Variants in ZFHX3 observed in about 807,000 individuals in gnomAD.
ZFHX3 encodes the protein zinc finger homeobox protein 3.
Under a neutral mutation model 279.1 loss-of-function variants are expected in ZFHX3, and 42 were observed. That is an observed-to-expected ratio of 0.15 (90% CI 0.12 to 0.19). The LOEUF (loss-of-function observed/expected upper bound fraction) is 0.19. Ranked by LOEUF, ZFHX3 falls within the 10% of genes least tolerant of loss-of-function variation. ZFHX3 has a pLI of 1.00. For missense variants in ZFHX3, 4,981 were observed against 4,754.0 expected, an observed-to-expected ratio of 1.05 and a Z score of -1.40; for synonymous variants, 2,293 against 1,957.8, an observed-to-expected ratio of 1.17 and a Z score of -4.52.
At chr16:73,435,626 C>A (rs149965880) in intron 3 of ZFHX3, among the ~76,000 whole-genome samples, 1 of 152,274 alleles carries the variant, frequency 6.6e-6, no homozygotes, top group African/African-American at 2.4e-5. Flanking sequence ...CAGGCATTGT[C>A]AAATGTTCCC....
intron 3 of ZFHX3, among the ~76,000 whole-genome samples, chr16:72,944,096 C>T (rs922464243): frequency 1.3e-5 from 2 of 152,038 alleles, no homozygotes; most frequent in Non-Finnish European, 2.9e-5. Flanking sequence ...CCAGCCTAGG[C>T]AAAATGTCGA....
intron 2 of ZFHX3, among the ~76,000 whole-genome samples, chr16:73,472,808 C>T (rs1470783342): frequency 1.3e-5 from 2 of 152,140 alleles, no homozygotes; most frequent in African/African-American, 4.8e-5. Context: ...GCTCCTGGCA[C>T]ACCACCTCTC....
chr16:73,718,622 A>T (rs7199845), intron 1 of ZFHX3, among the ~76,000 whole-genome samples: 975 of 12,078 alleles, frequency 0.081, 13 homozygotes, highest in African/African-American at 0.087. Context: ...TTATTTATTT[A>T]TTTATTTTTT....
At chr16:73,814,714 C>G (rs1960519751) in intron 1 of ZFHX3, among the ~76,000 whole-genome samples, 1 of 151,884 alleles carries the variant, frequency 6.6e-6, no homozygotes. Context: ...ATTATGGGCA[C>G]CCACCACCAT....
intron 2 of ZFHX3, among the ~76,000 whole-genome samples, chr16:73,470,488 T>C (rs1356479606): frequency 6.6e-6 from 1 of 152,200 alleles, no homozygotes; most frequent in African/African-American, 2.4e-5. Context: ...TTAATATTAA[T>C]AATTAATGCT....
intron 3 of ZFHX3, among the ~76,000 whole-genome samples, chr16:73,360,140 A>G (rs2016411799): frequency 6.6e-6 from 1 of 152,216 alleles, no homozygotes; most frequent in African/African-American, 2.4e-5. Context: ...CAGGGACAAT[A>G]AGACAGTTAA....
In ZFHX3 at chr16:73,523,163, A is replaced by T. The variant is rs825857; in HGVS notation, c.-1546-66905T>A. On this transcript the variant is annotated intron_variant, in intron 2 of 17. Coordinates refer to the ZFHX3 transcript ENST00000641206. ...TCCCATAATATGGGAACATAACACA[A>T]GACTTCTTCTGAAATGATTTGGGAT... 3.3e-5 allele frequency among the ~76,000 whole-genome samples: 5 copies of T among 151,976 alleles called. No homozygotes were observed. The South Asian group carries it at 1.0e-3, about 32-fold the overall frequency.
chr16:73,254,393 T>C (rs779896140), intron 5 of ZFHX3, among the ~76,000 whole-genome samples: 5 of 151,722 alleles, frequency 3.3e-5, no homozygotes, highest in African/African-American at 4.8e-5. Flanking sequence ...CTTCTGCTTG[T>C]TGGAGGTTCT....
At chr16:73,486,908 G>C (rs1226391521) in intron 2 of ZFHX3, 1 of 454,244 alleles carries the variant, frequency 2.2e-6, no homozygotes, top group Non-Finnish European at 4.4e-6. Flanking sequence ...TAACACTAAG[G>C]CAAATTCTTT....
At chr16:73,813,598 C>T (rs139824372) in intron 1 of ZFHX3, among the ~76,000 whole-genome samples, 2,258 of 152,284 alleles carry the variant, frequency 0.015, 54 homozygotes, top group African/African-American at 0.051. Context: ...TTTTCCCACT[C>T]GTAGTAGGAT....
At chr16:73,653,668 G>GA (rs898362150) in intron 2 of ZFHX3, among the ~76,000 whole-genome samples, 4 of 150,724 alleles carry the variant, frequency 2.7e-5, no homozygotes, top group Admixed American at 6.6e-5. Context: ...TGTAAAAATA[G>GA]AAAAAAAACC....
At chr16:73,102,600 C>T (rs1966246234) in intron 7 of ZFHX3, among the ~76,000 whole-genome samples, 1 of 152,152 alleles carries the variant, frequency 6.6e-6, no homozygotes, top group Non-Finnish European at 1.5e-5. Flanking sequence ...CATAGCTAGC[C>T]TTTCTGTCCT....
chr16:72,834,540 T>A (rs939547698), intron 4 of ZFHX3, among the ~76,000 whole-genome samples: 1 of 152,214 alleles, frequency 6.6e-6, no homozygotes, highest in Non-Finnish European at 1.5e-5. Context: ...TTAATATACC[T>A]TATACTTAGC....
chr16:73,314,111 A>T (rs897801558), intron 4 of ZFHX3, among the ~76,000 whole-genome samples: 1 of 152,166 alleles, frequency 6.6e-6, no homozygotes. Context: ...AAGAAAAAAA[A>T]TCTGGTGAGC....
intron 7 of ZFHX3, among the ~76,000 whole-genome samples, chr16:73,112,215 C>G (rs1966383112): frequency 6.6e-6 from 1 of 151,592 alleles, no homozygotes; most frequent in Non-Finnish European, 1.5e-5. Flanking sequence ...AAAGGGAAGA[C>G]AGAGAAGAAG....
chr16:72,952,993 A>T (rs1961066675), intron 2 of ZFHX3, among the ~76,000 whole-genome samples: 2 of 152,300 alleles, frequency 1.3e-5, no homozygotes, highest in Non-Finnish European at 2.9e-5. Flanking sequence ...TATTTTTTAC[A>T]ACTGATTAGA....
intron 1 of ZFHX3, among the ~76,000 whole-genome samples, chr16:73,719,024 C>A (rs2053446895): frequency 6.6e-6 from 1 of 152,140 alleles, no homozygotes; most frequent in African/African-American, 2.4e-5. Flanking sequence ...CTTAAGGCTG[C>A]CTGATTCTTT....
chr16:73,047,901 G>A lies in ZFHX3; in HGVS notation c.-199C>T, dbSNP rs1965358787. On this transcript the variant is annotated 5_prime_UTR_variant, in exon 1 of 10. Transcript: ENST00000268489. ...GCGGCATGCTCCCCACCTCCCGCTG[G>A]CCCCAGGACTCGGAGGTGGCTCTGG... 6.6e-6 allele frequency: 1 copy of A among 152,280 alleles called. No individual in the cohort carries two copies. Among genetic ancestry groups the A allele is most frequent in the South Asian group, 2.1e-4 (1 of 4,830 alleles). The allele number at this position is 152,280 out of a possible 1,614,324, so 9.4% of individuals were successfully genotyped here.
chr16:72,966,867 C>G (rs1961867000), intron 1 of ZFHX3, among the ~76,000 whole-genome samples: 1 of 152,330 alleles, frequency 6.6e-6, no homozygotes, highest in Middle Eastern at 3.4e-3. Flanking sequence ...AAGATTATCA[C>G]AGTTCCCAAA....
Sources: allele counts gnomAD v4.1 joint callset (sites outside exome capture counted in the v4.1 genomes callset), GRCh38; gene constraint gnomAD v4.1.1; transcripts MANE v1.5; gene names NCBI Gene and HGNC (gene_info 2026-07-23, HGNC 2026-07-21).